ZFP91: variants seen among roughly 807,000 people sequenced by gnomAD.
The protein encoded by ZFP91 is ZFP91 zinc finger protein, atypical E3 ubiquitin ligase, also known as E3 ubiquitin-protein ligase ZFP91.
A neutral mutation model predicts 63.5 loss-of-function variants in ZFP91; 7 were observed. The ratio of observed to expected loss-of-function variants is 0.11; its 90% CI spans 0.06 to 0.21. ZFP91 has a LOEUF of 0.21. Among genes scored for constraint, ZFP91 ranks in the 10% least tolerant of loss-of-function variants. The pLI is 1.00. For missense variants in ZFP91, 628 were observed against 736.6 expected, an observed-to-expected ratio of 0.85 and a Z score of 1.71; for synonymous variants, 330 against 272.1, an observed-to-expected ratio of 1.21 and a Z score of -2.10.
At chr11:58,611,350 G>A (rs1855659067) in intron 5 of ZFP91, 3 of 503,432 alleles carry the variant, frequency 6.0e-6, no homozygotes, top group South Asian at 4.5e-5. Flanking sequence ...TAATTGTCTC[G>A]TTTCTCTTTA....
rs149043804 is a variant in ZFP91, at chr11:58,585,619, C to T, written c.370+735C>T. On this transcript the variant is annotated intron_variant, in intron 2 of 10. Coordinates refer to ENST00000316059, the MANE Select transcript of ZFP91 (RefSeq NM_053023.5). Reference sequence around the variant, plus strand: ...TGACCTTGACCCAGGCTTGACACAGCCAGTTTCCAAACTCCTAGAATCCAC... The same window carrying T: ...TGACCTTGACCCAGGCTTGACACAGTCAGTTTCCAAACTCCTAGAATCCAC... 2.0e-5 allele frequency among the ~76,000 whole-genome samples: 3 copies of T among 152,244 alleles called. No homozygotes were observed. In the South Asian group the frequency reaches 6.2e-4, roughly 32 times the overall value.
At chr11:58,609,617 A>G (rs367819183) in intron 2 of ZFP91, among the ~76,000 whole-genome samples, 2 of 152,242 alleles carry the variant, frequency 1.3e-5, no homozygotes, top group Non-Finnish European at 2.9e-5. Flanking sequence ...TAAAATTACT[A>G]CTTTGCAACA....
At chr11:58,587,099 T>TA (rs571995955) in intron 2 of ZFP91, among the ~76,000 whole-genome samples, 4 of 151,336 alleles carry the variant, frequency 2.6e-5, no homozygotes, top group Non-Finnish European at 4.4e-5. Context: ...AGTTGCAACT[T>TA]AAAAAAAAAG....
Position 58,611,003 on chromosome 11 carries a change from TACC to T in ZFP91, c.673_675del (p.Pro225del). 6.2e-7 allele frequency: 1 copy of T among 1,613,250 alleles called. No individual in the cohort carries two copies. The highest frequency in any genetic ancestry group is 8.5e-7 in the Non-Finnish European group (1 of 1,179,684). ...GAGATGTTAATCAGTGAAGAGGAGATACCATTCAAAGATGATCCAAGAGATGAG... is the reference window on the plus strand; with the variant it reads ...GAGATGTTAATCAGTGAAGAGGAGATATTCAAAGATGATCCAAGAGATGAG... On this transcript the variant is annotated inframe_deletion, in exon 5 of 11. Transcript: ENST00000316059.
chr11:58,604,278 T>A (rs1855535933), intron 2 of ZFP91, among the ~76,000 whole-genome samples: 1 of 152,038 alleles, frequency 6.6e-6, no homozygotes, highest in East Asian at 1.9e-4. Context: ...CTTATAAGAA[T>A]AAGGACATCA....
rs148903243 is a variant in ZFP91 at position 58,610,350 on chromosome 11, A to G, written c.617+16A>G. On this transcript the variant is annotated intron_variant, in intron 4 of 10. Coordinates refer to ENST00000316059, the MANE Select transcript of ZFP91 (RefSeq NM_053023.5). ...GTGGCATTAGGTAAAAAAAACATTA[A>G]TATTTCATTTTTAAACCTTTGGGGA... 3.7e-4 allele frequency: 578 copies of G among 1,580,034 alleles called. 5 individuals are homozygous for G. The East Asian group carries it at 0.012, about 33-fold the overall frequency.
At chr11:58,604,420 A>G (rs557264962) in intron 2 of ZFP91, among the ~76,000 whole-genome samples, 15 of 152,234 alleles carry the variant, frequency 9.9e-5, no homozygotes, top group African/African-American at 3.1e-4. Flanking sequence ...TCTGAGAGGG[A>G]GTGTGGTCTG....
chr11:58,617,594 T>G lies in ZFP91; in HGVS notation c.1601T>G (p.Ile534Ser). ...GTGAGCCTGATGGCTGATGGGAAGA[T>G]CTTTGTGGGAAGCGGCAGCAGTGGA... ...ERVSLMADGK[I>S]FVGSGSSGGT... is the part of the protein sequence containing the mutation. Residue 534 changes from isoleucine (I) to serine (S), a missense_variant, in exon 11 of 11, where the codon ATC becomes AGC. By Grantham distance (142) the Ile-to-Ser change is moderately radical. This residue lies in a region of ZFP91 where 115 missense variants were observed against 125.4 expected (regional missense o/e 0.92). Transcript: ENST00000316059. The surrounding 1 kb of genome is among the most constrained non-coding windows in gnomAD (Gnocchi z 4.2). The G allele has an allele frequency of 6.2e-7, 1 of 1,608,966 alleles. No individual in the cohort carries two copies. Among genetic ancestry groups the G allele is most frequent in the South Asian group, 1.1e-5 (1 of 90,346 alleles).
At chr11:58,610,104 G>A in intron 3 of ZFP91, 65 bp downstream of exon 3, 3 of 1,559,298 alleles carry the variant, frequency 1.9e-6, no homozygotes, top group Non-Finnish European at 2.6e-6. Flanking sequence ...ATGTAATGTT[G>A]AACATTTGTG....
chr11:58,601,555 C>T (rs548348151), intron 2 of ZFP91, among the ~76,000 whole-genome samples: 10 of 150,784 alleles, frequency 6.6e-5, no homozygotes, highest in Admixed American at 4.0e-4. Flanking sequence ...TTACTCTGCT[C>T]CTTTTTTCCT....
At chr11:58,615,707 G>C (rs569574755) in intron 9 of ZFP91, among the ~76,000 whole-genome samples, 19 of 152,212 alleles carry the variant, frequency 1.2e-4, no homozygotes, top group African/African-American at 4.6e-4. Context: ...ACATCATTTG[G>C]GTTCTTATTA....
At chr11:58,599,417 G>C (rs1473187033) in intron 2 of ZFP91, among the ~76,000 whole-genome samples, 1 of 151,980 alleles carries the variant, frequency 6.6e-6, no homozygotes, top group Non-Finnish European at 1.5e-5. Context: ...CCATAACACT[G>C]TTTTCCTCAT....
chr11:58,603,748 A>G (rs776678905), intron 2 of ZFP91, among the ~76,000 whole-genome samples: 28 of 152,244 alleles, frequency 1.8e-4, no homozygotes, highest in Non-Finnish European at 3.1e-4. Flanking sequence ...CTTAGGGCTT[A>G]AAGTCTAATG....
chr11:58,593,534 A>G (rs918123135), intron 2 of ZFP91, among the ~76,000 whole-genome samples: 3 of 152,214 alleles, frequency 2.0e-5, no homozygotes, highest in Admixed American at 2.0e-4. Context: ...AGAGAAATCA[A>G]TGAATAAGCC....
intron 2 of ZFP91, among the ~76,000 whole-genome samples, chr11:58,600,571 A>G (rs1855476665): frequency 6.6e-6 from 1 of 152,074 alleles, no homozygotes; most frequent in African/African-American, 2.4e-5. Context: ...ATTCTTTAGA[A>G]TTTTCTATAT....
chr11:58,583,182 G>A (rs902218469), intron 1 of ZFP91, among the ~76,000 whole-genome samples: 1 of 152,036 alleles, frequency 6.6e-6, no homozygotes, highest in Non-Finnish European at 1.5e-5. Context: ...AGGTTAAAAT[G>A]TATAAGGCTT....
At chr11:58,614,523 T>C (rs1855719241) in intron 9 of ZFP91, among the ~76,000 whole-genome samples, 180 bp downstream of exon 9, 1 of 152,200 alleles carries the variant, frequency 6.6e-6, no homozygotes, top group Admixed American at 6.5e-5. Context: ...ACTAGGACTT[T>C]TGAATTTTTA....
At chr11:58,582,533 A>G (rs1336398324) in intron 1 of ZFP91, among the ~76,000 whole-genome samples, 10 of 152,220 alleles carry the variant, frequency 6.6e-5, no homozygotes, top group Non-Finnish European at 1.3e-4. Context: ...AAAGTATACC[A>G]TAGTTTAAAA....
intron 7 of ZFP91, 75 bp from the exon 8 acceptor site, chr11:58,612,687 G>T: frequency 8.6e-7 from 1 of 1,160,290 alleles, no homozygotes; most frequent in Middle Eastern, 2.2e-4. Context: ...CAATAGCACA[G>T]TTTAAGTCAG....
Sources: allele counts gnomAD v4.1 joint callset (sites outside exome capture counted in the v4.1 genomes callset), GRCh38; gene constraint gnomAD v4.1.1; regional missense constraint gnomAD v4.1.1; non-coding constraint Gnocchi (gnomAD v3.1); transcripts MANE v1.5; gene names NCBI Gene and HGNC (gene_info 2026-07-23, HGNC 2026-07-21).